Variants in RFX2 observed in about 807,000 individuals in gnomAD.
RFX2 encodes the protein regulatory factor X2, also known as DNA-binding protein RFX2.
In RFX2, 20 loss-of-function variants were observed where a neutral mutation model predicts 87.8. The observed-to-expected ratio is 0.23, with a 90% CI of 0.16 to 0.33. The LOEUF (loss-of-function observed/expected upper bound fraction) is 0.33. Among genes scored for constraint, RFX2 ranks in the 10% least tolerant of loss-of-function variants. The probability of loss-of-function intolerance (pLI) is 1.00; values close to 1 mark genes in which losing one functional copy is unlikely to be tolerated. For missense variants in RFX2, 767 were observed against 1,012.3 expected, an observed-to-expected ratio of 0.76 and a Z score of 3.29; for synonymous variants, 397 against 431.3, an observed-to-expected ratio of 0.92 and a Z score of 0.98.
In RFX2 at chr19:6,040,277, T is replaced by A. The variant is rs770211144; in HGVS notation, c.261-36A>T. On this transcript the variant is annotated intron_variant, in intron 4 of 17. Coordinates refer to ENST00000303657, the MANE Select transcript of RFX2 (RefSeq NM_000635.4). This position sits in a 1 kb window ranked among gnomAD's most constrained non-coding sequence, Gnocchi z 6.1. ...GAGAGAAGTCACGCATGGGACGCTG[T>A]CCCATTTAAATGCCTTGTCTGAGTT... 2 of 1,493,186 alleles carry A rather than the reference T, an allele frequency of 1.3e-6. No individual in the cohort carries two copies. Among genetic ancestry groups the A allele is most frequent in the East Asian group, 4.6e-5 (2 of 43,024 alleles). 92.5% of individuals were successfully genotyped at this position (1,493,186 alleles called of 1,614,324 possible).
At chr19:6,072,734 A>C (rs897555491) in intron 1 of RFX2, 2 of 480,206 alleles carry the variant, frequency 4.2e-6, no homozygotes, top group Non-Finnish European at 7.6e-6. Flanking sequence ...TCTTCCTTCC[A>C]AGGACATAAC....
chr19:6,031,519 A>G (rs945016361), intron 5 of RFX2, among the ~76,000 whole-genome samples: 5 of 122,666 alleles, frequency 4.1e-5, no homozygotes, highest in African/African-American at 9.4e-5. Flanking sequence ...AACCTTCACC[A>G]CCCAGGTTCA....
intron 1 of RFX2, among the ~76,000 whole-genome samples, chr19:6,075,346 C>T (rs964203414): frequency 3.3e-5 from 5 of 152,044 alleles, no homozygotes; most frequent in Non-Finnish European, 4.4e-5. Context: ...GTTTGGCTTT[C>T]GCTCTGAGTG....
intron 1 of RFX2, among the ~76,000 whole-genome samples, chr19:6,102,953 G>A (rs555812977): frequency 1.3e-5 from 2 of 152,252 alleles, no homozygotes; most frequent in East Asian, 3.9e-4. Flanking sequence ...ACAAGAGAGC[G>A]AGACTTCATC....
At chr19:6,006,349 G>C (rs2086580814) in intron 12 of RFX2, among the ~76,000 whole-genome samples, 2 of 151,998 alleles carry the variant, frequency 1.3e-5, no homozygotes, top group African/African-American at 2.4e-5. Context: ...TTTAGAAATG[G>C]GGTCTCACTA....
chr19:6,108,394 C>A (rs1199404429), intron 1 of RFX2, among the ~76,000 whole-genome samples: 2 of 152,136 alleles, frequency 1.3e-5, no homozygotes, highest in African/African-American at 4.8e-5. Flanking sequence ...AGGTAAGGAT[C>A]TTTCCATAAG....
At chr19:6,087,443 T>C (rs1421540639) in intron 1 of RFX2, among the ~76,000 whole-genome samples, 11 of 152,308 alleles carry the variant, frequency 7.2e-5, no homozygotes, top group Admixed American at 4.6e-4. Context: ...AGGAGGGAGA[T>C]GCCTGCCAGA....
At position 6,026,587 on chromosome 19, in the gene RFX2, AAG is replaced by A; in HGVS notation, c.523-352_523-351del. 2 of 310,984 alleles carry A rather than the reference AAG, an allele frequency of 6.4e-6. No homozygotes were observed. Among genetic ancestry groups the A allele is most frequent in the Non-Finnish European group, 1.2e-5 (2 of 164,104 alleles). The allele number at this position is 310,984 out of a possible 1,614,324, so 19.3% of individuals were successfully genotyped here. On this transcript the variant is annotated intron_variant, in intron 5 of 17. Coordinates refer to ENST00000303657, the MANE Select transcript of RFX2 (RefSeq NM_000635.4). This position sits in a 1 kb window ranked among gnomAD's most constrained non-coding sequence, Gnocchi z 4.5. The stretch of plus-strand genomic sequence containing the variant: ...CACTGCATCCATTCCAGTGTCAGCC[AAG>A]CCAGCATCATAGTCACCTGCTCCTT...
Position 6,063,332 on chromosome 19 carries a change from G to A in RFX2, c.-8-15828C>T, listed in dbSNP as rs2087466741. ...GCCTCTGCCTGCAAGTCTAAGGTCT[G>A]CAGAATCGAGGGAGGCCAGCATGGC... On this transcript the variant is annotated intron_variant, in intron 1 of 17. Transcript: ENST00000303657. This position sits in a 1 kb window ranked among gnomAD's most constrained non-coding sequence, Gnocchi z 4.0. 6.6e-6 allele frequency among the ~76,000 whole-genome samples: 1 copy of A among 152,232 alleles called. No homozygotes were observed. Among genetic ancestry groups the A allele is most frequent in the South Asian group, 2.1e-4 (1 of 4,836 alleles).
rs2086536518 is a variant in RFX2, at chr19:6,004,003, G to T, written c.1500+198C>A. 6.6e-6 allele frequency among the ~76,000 whole-genome samples: 1 copy of T among 152,162 alleles called. No homozygotes were observed. The highest frequency in any genetic ancestry group is 1.5e-5 in the Non-Finnish European group (1 of 68,022). On this transcript the variant is annotated intron_variant, in intron 13 of 17. Transcript: ENST00000303657. This position sits in a 1 kb window ranked among gnomAD's most constrained non-coding sequence, Gnocchi z 4.8. ...TTGACCCAAAGATGTGACATCAAAT[G>T]ACATCTTCTGTTGTTCCCCTTCCTG...
At chr19:6,033,507 T>G (rs2086976850) in intron 5 of RFX2, among the ~76,000 whole-genome samples, 1 of 151,068 alleles carries the variant, frequency 6.6e-6, no homozygotes, top group Non-Finnish European at 1.5e-5. Flanking sequence ...GCTTTTTGTA[T>G]GACAGTCTTT....
intron 5 of RFX2, among the ~76,000 whole-genome samples, chr19:6,030,369 G>A (rs1333772699): frequency 1.3e-5 from 2 of 152,152 alleles, no homozygotes; most frequent in Non-Finnish European, 2.9e-5. Context: ...CCAGAAAGCG[G>A]AAAAACCCAC....
chr19:6,000,097 G>C lies in RFX2; in HGVS notation c.1859+1718C>G, dbSNP rs576535562. ...CCTCCCGGATTCAAGTGATTCTCCT[G>C]CTGCAGCCTCCCAAGTAGCTGGGAT... On this transcript the variant is annotated intron_variant, in intron 15 of 17. Transcript: ENST00000303657. Among the ~76,000 whole-genome samples, 9 of 151,836 alleles carry C rather than the reference G, an allele frequency of 5.9e-5. 1 individual carries two copies. The highest frequency in any genetic ancestry group is 2.2e-4 in the African/African-American group (9 of 41,368).
rs2086514176 is a variant in RFX2 at position 6,002,940 on chromosome 19, G to A, written c.1501-70C>T. Reference sequence around the variant, plus strand: ...CTGTTCCGCTGCGCTCCTTGCAGGGGTGTGTGGGCTCAGGGACAACACAGG... The same window carrying A: ...CTGTTCCGCTGCGCTCCTTGCAGGGATGTGTGGGCTCAGGGACAACACAGG... On this transcript the variant is annotated intron_variant, in intron 13 of 17. Coordinates refer to ENST00000303657, the MANE Select transcript of RFX2 (RefSeq NM_000635.4). The surrounding 1 kb of genome is among the most constrained non-coding windows in gnomAD (Gnocchi z 6.7). The A allele has an allele frequency of 3.3e-6, 5 of 1,515,552 alleles. No individual in the cohort carries two copies. Among genetic ancestry groups the A allele is most frequent in the Non-Finnish European group, 3.5e-6 (4 of 1,126,992 alleles). The allele number at this position is 1,515,552 out of a possible 1,614,324, so 93.9% of individuals were successfully genotyped here.
In RFX2 at chr19:6,047,307, A is replaced by C; in HGVS notation, c.90+100T>G. ...TGGGACTGAGAAGTCCATTCAGAAAAATACAGATTCCTCTCTTTGCAGATC... is the reference window on the plus strand; with the variant it reads ...TGGGACTGAGAAGTCCATTCAGAAACATACAGATTCCTCTCTTTGCAGATC... On this transcript the variant is annotated intron_variant, in intron 2 of 17. Coordinates refer to ENST00000303657, the MANE Select transcript of RFX2 (RefSeq NM_000635.4). The surrounding 1 kb of genome is among the most constrained non-coding windows in gnomAD (Gnocchi z 4.2). 1.1e-6 allele frequency: 1 copy of C among 941,390 alleles called. No homozygotes were observed. Among genetic ancestry groups the C allele is most frequent in the East Asian group, 2.9e-5 (1 of 34,668 alleles). The allele number at this position is 941,390 out of a possible 1,614,324, so 58.3% of individuals were successfully genotyped here. A position where few individuals can be genotyped will look rare whatever the true frequency, so the allele number is the denominator to read the frequency against.
In RFX2 at chr19:6,016,031, A is replaced by G; in HGVS notation, c.779+59T>C. 1 of 1,487,488 alleles carries G rather than the reference A, an allele frequency of 6.7e-7. No individual in the cohort carries two copies. The highest frequency in any genetic ancestry group is 9.0e-7 in the Non-Finnish European group (1 of 1,105,328). The allele number at this position is 1,487,488 out of a possible 1,614,324, so 92.1% of individuals were successfully genotyped here. A position where few individuals can be genotyped will look rare whatever the true frequency, so the allele number is the denominator to read the frequency against. On this transcript the variant is annotated intron_variant, in intron 7 of 17. Transcript: ENST00000303657. The surrounding 1 kb of genome is among the most constrained non-coding windows in gnomAD (Gnocchi z 5.4). ...GGAGGAAGCCTCGCATTTTCCCAAA[A>G]GCTCCATTTCTTGGGAAAGGAAGAG...
Position 6,063,369 on chromosome 19 carries a change from C to T in RFX2, c.-8-15865G>A, listed in dbSNP as rs1333289226. 1.3e-5 allele frequency among the ~76,000 whole-genome samples: 2 copies of T among 152,216 alleles called. No homozygotes were observed. Among genetic ancestry groups the T allele is most frequent in the Non-Finnish European group, 2.9e-5 (2 of 68,042 alleles). On this transcript the variant is annotated intron_variant, in intron 1 of 17. Coordinates refer to ENST00000303657, the MANE Select transcript of RFX2 (RefSeq NM_000635.4). The surrounding 1 kb of genome is among the most constrained non-coding windows in gnomAD (Gnocchi z 4.0). ...GAGGCCAGCATGGCACACAGCGGTC[C>T]AGACTCGCAGTGACAAGGTGGCTGC... is the stretch of plus-strand genomic sequence containing the variant.
At position 6,056,264 on chromosome 19, in the gene RFX2, AT is replaced by A. The variant is rs1251754715; in HGVS notation, c.-8-8761del. On this transcript the variant is annotated intron_variant, in intron 1 of 17. Coordinates refer to ENST00000303657, the MANE Select transcript of RFX2 (RefSeq NM_000635.4). This position sits in a 1 kb window ranked among gnomAD's most constrained non-coding sequence, Gnocchi z 4.6. ...GTACAGGTATCCAGGTGTTATAAGA[AT>A]GGCAGGACCCTGACACCCTGTAGAG... 6.6e-6 allele frequency among the ~76,000 whole-genome samples: 1 copy of A among 152,202 alleles called. No homozygotes were observed. Among genetic ancestry groups the A allele is most frequent in the Non-Finnish European group, 1.5e-5 (1 of 68,042 alleles).
intron 1 of RFX2, among the ~76,000 whole-genome samples, chr19:6,095,133 C>T (rs2088003134): frequency 6.6e-6 from 1 of 152,122 alleles, no homozygotes; most frequent in South Asian, 2.1e-4. Flanking sequence ...TAAATAAAAA[C>T]AAATAAATAA....
Sources: gnomAD v4.1 joint callset for allele counts (sites outside exome capture counted in the v4.1 genomes callset) on GRCh38, gnomAD v4.1.1 for gene constraint, Gnocchi (gnomAD v3.1) non-coding constraint, MANE v1.5 for transcripts, NCBI Gene and HGNC (gene_info 2026-07-23, HGNC 2026-07-21) for gene names.